The following SYNE1 variants were observed in gnomAD, a reference collection of about 807,000 sequenced individuals.
SYNE1 encodes the protein nesprin-1.
In SYNE1, 616 loss-of-function variants were observed where a neutral mutation model predicts 1,111.0. The observed-to-expected ratio is 0.55, with a 90% CI of 0.52 to 0.59. SYNE1 has a LOEUF of 0.59. Among genes scored for constraint, SYNE1 ranks in the 20% least tolerant of loss-of-function variants. The pLI, the probability that SYNE1 is intolerant of heterozygous loss-of-function variation, is 0.00. For synonymous variants in SYNE1, 3,855 were observed against 3,825.8 expected (o/e 1.01, Z -0.28); for missense variants, 10,006 against 10,417.0 (o/e 0.96, Z 1.72).
chr6:152,488,524 C>G (rs376648410), intron 11 of SYNE1, 21 bp from the exon 12 acceptor site: 69 of 1,272,140 alleles, frequency 5.4e-5, no homozygotes, highest in Non-Finnish European at 6.9e-6. Flanking sequence ...GGAGACATTA[C>G]AATTTTATTA....
intron 16 of SYNE1, among the ~76,000 whole-genome samples, chr6:152,471,147 C>T (rs1005333039): frequency 3.9e-5 from 6 of 152,070 alleles, no homozygotes; most frequent in African/African-American, 1.4e-4. Context: ...AAAAAAGACA[C>T]AGTGGACACA....
intron 3 of SYNE1, among the ~76,000 whole-genome samples, chr6:152,565,756 A>G (rs575107025): frequency 1.3e-5 from 2 of 152,236 alleles, no homozygotes; most frequent in African/African-American, 4.8e-5. Context: ...GTTGTTTTAC[A>G]AATAGGATTT....
At chr6:152,258,273 A>T (rs980434829) in intron 101 of SYNE1, among the ~76,000 whole-genome samples, 4 of 152,198 alleles carry the variant, frequency 2.6e-5, no homozygotes, top group Admixed American at 2.0e-4. Flanking sequence ...GATCAAAATT[A>T]AAAATTTAGG....
At position 152,253,034 on chromosome 6, in the gene SYNE1, T is replaced by G. The variant is rs2089778710; in HGVS notation, c.19470+1846A>C. ...GCTGAGGCACTCGGGGATTCTGACT[T>G]GATCATCTTGGGGGCAGTAACTATC... On this transcript the variant is annotated intron_variant, in intron 104 of 145. Coordinates refer to ENST00000367255, the MANE Select transcript of SYNE1 (RefSeq NM_182961.4). 2.0e-5 allele frequency among the ~76,000 whole-genome samples: 3 copies of G among 152,144 alleles called. No individual in the cohort carries two copies. In the South Asian group the frequency reaches 6.2e-4, roughly 31 times the overall value.
intron 59 of SYNE1, among the ~76,000 whole-genome samples, chr6:152,371,845 C>A (rs374935583): frequency 0.034 from 1,999 of 59,136 alleles, 218 homozygotes; most frequent in African/African-American, 0.13. Context: ...CAGGACAGGA[C>A]AGGAAAGGAA....
chr6:152,316,195 T>G (rs2095713518), intron 87 of SYNE1: 1 of 153,094 alleles, frequency 6.5e-6, no homozygotes, highest in African/African-American at 2.4e-5. Context: ...GCATGTGATG[T>G]GGACTCATGG....
Position 152,284,624 on chromosome 6 carries a change from TTTTTTTTTTTTTTA to T in SYNE1, c.18013-466_18013-453del, listed in dbSNP as rs1236833480. ...CACACCTGGTAATTTTTTTTTTTTT[TTTTTTTTTTTTTTA>T]CTTTTTGTAAAGACAGGATCATGCT... On this transcript the variant is annotated intron_variant, in intron 95 of 145. Transcript: ENST00000367255. Among the ~76,000 whole-genome samples, 3 of 147,672 alleles carry T rather than the reference TTTTTTTTTTTTTTA, an allele frequency of 2.0e-5. No homozygotes were observed. The East Asian group carries it at 5.9e-4, about 29-fold the overall frequency.
At chr6:152,559,339 A>G (rs1380475268) in intron 3 of SYNE1, among the ~76,000 whole-genome samples, 1 of 152,124 alleles carries the variant, frequency 6.6e-6, no homozygotes, top group Non-Finnish European at 1.5e-5. Flanking sequence ...TACCTCAAGC[A>G]ATCCTCCCAC....
At chr6:152,439,561 C>T (rs957076886) in intron 32 of SYNE1, among the ~76,000 whole-genome samples, 4 of 152,108 alleles carry the variant, frequency 2.6e-5, no homozygotes, top group African/African-American at 9.7e-5. Context: ...AAATAATGTT[C>T]TATTTAAATG....
intron 38 of SYNE1, among the ~76,000 whole-genome samples, chr6:152,425,933 C>T (rs983738320): frequency 6.6e-6 from 1 of 152,190 alleles, no homozygotes; most frequent in Middle Eastern, 3.2e-3. Context: ...CAAAGAAAAA[C>T]TATTGCCGGA....
chr6:152,377,608 T>TAAAAAAAA (rs869031827), intron 56 of SYNE1, among the ~76,000 whole-genome samples: 3 of 31,368 alleles, frequency 9.6e-5, no homozygotes, highest in South Asian at 2.3e-3. Flanking sequence ...AACTCCGTCT[T>TAAAAAAAA]AAAAAAAAAA....
intron 46 of SYNE1, among the ~76,000 whole-genome samples, chr6:152,403,354 T>C (rs748542901): frequency 6.6e-5 from 10 of 152,252 alleles, no homozygotes; most frequent in Middle Eastern, 3.4e-3. Flanking sequence ...AGGTTTATAG[T>C]GGTGATCCCT....
chr6:152,401,092 C>G (rs570692870), intron 47 of SYNE1, 46 bp downstream of exon 47: 11 of 1,579,702 alleles, frequency 7.0e-6, no homozygotes, highest in Non-Finnish European at 8.7e-6. Context: ...AACAGAACTA[C>G]AATCACCATT....
At chr6:152,451,513 C>T (rs1162203444) in intron 25 of SYNE1, among the ~76,000 whole-genome samples, 1 of 122,922 alleles carries the variant, frequency 8.1e-6, no homozygotes, top group African/African-American at 3.2e-5. Flanking sequence ...GATGGAGTCT[C>T]GCTCTGTCGC....
intron 145 of SYNE1, chr6:152,125,540 A>G: frequency 5.5e-6 from 4 of 721,772 alleles, no homozygotes; most frequent in Non-Finnish European, 8.1e-6. Context: ...ATAGCTACCC[A>G]CAAACTTTGG....
At chr6:152,460,424 GC>G (rs1367185675) in intron 21 of SYNE1, among the ~76,000 whole-genome samples, 1 of 151,852 alleles carries the variant, frequency 6.6e-6, no homozygotes, top group Non-Finnish European at 1.5e-5. Flanking sequence ...TCCTATTTTA[GC>G]TTTTTGAATG....
At chr6:152,182,381 C>T (rs2068353026) in intron 128 of SYNE1, among the ~76,000 whole-genome samples, 1 of 152,182 alleles carries the variant, frequency 6.6e-6, no homozygotes, top group Admixed American at 6.5e-5. Flanking sequence ...ATTCATTCCA[C>T]TGCATTAAAC....
Position 152,220,877 on chromosome 6 carries a change from C to T in SYNE1, c.21826G>A (p.Asp7276Asn), listed in dbSNP as rs552217419. 35 of 1,614,088 alleles carry T rather than the reference C, an allele frequency of 2.2e-5. No individual in the cohort carries two copies. The highest frequency in any genetic ancestry group is 6.7e-5 in the Admixed American group (4 of 60,020). ...LKAATNKDIADDEVATWIQDC... is the reference protein window; with the variant it reads ...LKAATNKDIANDEVATWIQDC... ...TGAATCCATGTGGCAACCTCATCAT[C>T]GGCAATGTCCTTGTTTGTGGCTGCC... The change falls in exon 119 of 146, where the codon GAT (aspartate) becomes AAT (asparagine). Residue 7276 changes from aspartate (D) to asparagine (N), a missense_variant. By Grantham distance (23) the Asp-to-Asn change is conservative. Coordinates refer to ENST00000367255, the MANE Select transcript of SYNE1 (RefSeq NM_182961.4).
At chr6:152,424,366 T>C (rs1052569772) in intron 39 of SYNE1, among the ~76,000 whole-genome samples, 8 of 152,258 alleles carry the variant, frequency 5.3e-5, no homozygotes, top group Non-Finnish European at 1.0e-4. Flanking sequence ...TTGGTATCAC[T>C]TTAAAAGTCC....
Sources: allele counts gnomAD v4.1 joint callset (sites outside exome capture counted in the v4.1 genomes callset), GRCh38; gene constraint gnomAD v4.1.1; transcripts MANE v1.5; gene names NCBI Gene and HGNC (gene_info 2026-07-23, HGNC 2026-07-21).